ANXA7: variants seen among roughly 807,000 people sequenced by gnomAD.
ANXA7 encodes the protein annexin VII.
Under a neutral mutation model 64.9 loss-of-function variants are expected in ANXA7, and 55 were observed. The ratio of observed to expected loss-of-function variants is 0.85; its 90% CI spans 0.68 to 1.06. The LOEUF (loss-of-function observed/expected upper bound fraction) is 1.06, where lower values mean the gene tolerates loss of function less well. ANXA7 is among the 50% of genes least tolerant of loss of function. The pLI is 0.00. For synonymous variants in ANXA7, 200 were observed against 192.4 expected (o/e 1.04, Z -0.33); for missense variants, 548 against 582.1 (o/e 0.94, Z 0.60).
intron 1 of ANXA7, among the ~76,000 whole-genome samples, chr10:73,411,235 C>T (rs2055832848): frequency 6.6e-6 from 1 of 151,982 alleles, no homozygotes; most frequent in Non-Finnish European, 1.5e-5. Flanking sequence ...TAAGTGGAAG[C>T]TAAGCTATGA....
chr10:73,401,635 G>C (rs970602618), intron 1 of ANXA7, among the ~76,000 whole-genome samples: 2 of 152,158 alleles, frequency 1.3e-5, no homozygotes, highest in African/African-American at 4.8e-5. Context: ...GAGTAGCTGG[G>C]ATTACAGGCG....
At chr10:73,398,064 G>C in intron 3 of ANXA7, 117 bp downstream of exon 3, 2 of 1,029,906 alleles carry the variant, frequency 1.9e-6, no homozygotes, top group Non-Finnish European at 2.8e-6. Context: ...ACTACCTAAG[G>C]TTACCTAAGA....
intron 1 of ANXA7, among the ~76,000 whole-genome samples, chr10:73,411,222 G>T (rs2055832633): frequency 6.6e-6 from 1 of 152,156 alleles, no homozygotes; most frequent in Non-Finnish European, 1.5e-5. Flanking sequence ...TGTTCTCACT[G>T]TGTAAGTGGA....
chr10:73,411,953 T>C (rs990648692), intron 1 of ANXA7, among the ~76,000 whole-genome samples: 8 of 151,796 alleles, frequency 5.3e-5, no homozygotes, highest in Non-Finnish European at 1.0e-4. Context: ...TTATAGAATA[T>C]CCCTGAAAGG....
At position 73,383,579 on chromosome 10, in the gene ANXA7, G is replaced by A; in HGVS notation, c.745C>T (p.Gln249Ter). 1 of 1,600,186 alleles carries A rather than the reference G, an allele frequency of 6.2e-7. No individual in the cohort carries two copies. Among genetic ancestry groups the A allele is most frequent in the South Asian group, 1.1e-5 (1 of 90,742 alleles). ...TAATAAATGACATATAGTAGTACCTGCATTGCTTTCCGTAAGCTCCAGGCA... is the reference window on the plus strand; with the variant it reads ...TAATAAATGACATATAGTAGTACCTACATTGCTTTCCGTAAGCTCCAGGCA... ...YDAWSLRKAM[Q>*]GAGTQERVLI... is the part of the protein sequence containing the mutation. Residue 249 changes from glutamine (Q) to a stop codon, truncating the protein, a stop_gained and splice_region_variant, in exon 8 of 13, where the codon CAG becomes TAG. Transcript: ENST00000372921. LOFTEE classifies it high-confidence loss of function.
chr10:73,381,112 G>C (rs1360433976), intron 9 of ANXA7, among the ~76,000 whole-genome samples: 1 of 152,084 alleles, frequency 6.6e-6, no homozygotes, highest in African/African-American at 2.4e-5. Context: ...TTGCAGACAT[G>C]ATCATAGCCT....
chr10:73,377,773 G>GGGGTGTGTGTGTGTGTGTGTGTGT (rs1554815379), intron 12 of ANXA7, among the ~76,000 whole-genome samples: 6 of 124,848 alleles, frequency 4.8e-5, no homozygotes, highest in African/African-American at 1.9e-4. Context: ...GGTGGGTGTG[G>GGGGTGTGTGTGTGTGTGTGTGTGT]GTGTGTGTGT....
Position 73,380,136 on chromosome 10 carries a change from A to C in ANXA7, c.984T>G (p.Tyr328Ter). Residue 328 changes from tyrosine (Y) to a stop codon, truncating the protein, a stop_gained, in exon 10 of 13, where the codon TAT becomes TAG. Transcript: ENST00000372921. LOFTEE classifies it high-confidence loss of function. The stretch of plus-strand genomic sequence containing the variant: ...TCCCTAGTCTCCCCTCACCAGCTTG[A>C]TAGAGACGCTGAGCATCTTCCTGAG... Reference protein sequence around the residue: ...QMAQEDAQRLYQAGEGRLGTD... With the variant: ...QMAQEDAQRL 6.2e-7 allele frequency: 1 copy of C among 1,614,154 alleles called. No homozygotes were observed. The highest frequency in any genetic ancestry group is 2.2e-5 in the East Asian group (1 of 44,882).
At chr10:73,378,567 G>A (rs535996600) in intron 12 of ANXA7, among the ~76,000 whole-genome samples, 150 of 152,086 alleles carry the variant, frequency 9.9e-4, no homozygotes, top group African/African-American at 3.4e-3. Context: ...ATATCCACTA[G>A]GATTAATCTA....
At chr10:73,377,773 GGTGTGTGT>G (rs368036663) in intron 12 of ANXA7, among the ~76,000 whole-genome samples, 10 of 124,848 alleles carry the variant, frequency 8.0e-5, no homozygotes, top group African/African-American at 2.6e-4. Flanking sequence ...GGTGGGTGTG[GGTGTGTGT>G]GTGTGTGTGT....
In ANXA7 at chr10:73,380,080, G is replaced by T. The variant is rs2055250293; in HGVS notation, c.1040C>A (p.Ala347Asp). 6.2e-7 allele frequency: 1 copy of T among 1,614,142 alleles called. No individual in the cohort carries two copies. The highest frequency in any genetic ancestry group is 8.5e-7 in the Non-Finnish European group (1 of 1,180,036). ...TCTCAGCTGAGGAAAGCTTCTTGTG[G>T]CAAGGATCATGTTAAAGCAAGATTC... ...TDESCFNMIL[A>D]TRSFPQLRAT... is the part of the protein sequence containing the mutation. The change falls in exon 10 of 13, where the codon GCC becomes GAC. Residue 347 changes from alanine (A) to aspartate (D), a missense_variant. Transcript: ENST00000372921.
intron 1 of ANXA7, among the ~76,000 whole-genome samples, chr10:73,406,872 C>T (rs746830316): frequency 2.0e-5 from 3 of 152,022 alleles, no homozygotes; most frequent in Non-Finnish European, 4.4e-5. Flanking sequence ...CACCCACCCT[C>T]TATTTATCTA....
chr10:73,383,783 G>C, intron 7 of ANXA7, 93 bp from the exon 8 acceptor site: 1 of 862,600 alleles, frequency 1.2e-6, no homozygotes, highest in South Asian at 1.6e-5. Flanking sequence ...AAATGGAATT[G>C]CTTTATAAAA....
chr10:73,378,917 T>A lies in ANXA7; in HGVS notation c.1272A>T (p.Arg424=). ...DSTLVRIVVT[R]SEIDLVQIKQ... ...AGAGAGAGGCCTGCCTCACCTCACT[T>A]CGAGTGACCACAATCCGGACCAGGG... Residue 424 remains arginine (R), a synonymous_variant, in exon 12 of 13, where the codon CGA becomes CGT. Coordinates refer to ENST00000372921, the MANE Select transcript of ANXA7 (RefSeq NM_001156.5). 6.2e-7 allele frequency: 1 copy of A among 1,612,368 alleles called. No homozygotes were observed. Among genetic ancestry groups the A allele is most frequent in the African/African-American group, 1.3e-5 (1 of 74,960 alleles).
chr10:73,413,747 CG>C (rs1341459959), intron 1 of ANXA7, among the ~76,000 whole-genome samples: 1 of 152,232 alleles, frequency 6.6e-6, no homozygotes, highest in East Asian at 1.9e-4. Flanking sequence ...TGCCCGAGGG[CG>C]GGGCGCCACT....
chr10:73,397,461 ATATT>A (rs1204956718), intron 3 of ANXA7, among the ~76,000 whole-genome samples, 187 bp from the exon 4 acceptor site: 4 of 152,042 alleles, frequency 2.6e-5, no homozygotes, highest in African/African-American at 9.7e-5. Context: ...TTTACCTTAT[ATATT>A]TATTTATTTT....
At chr10:73,396,288 T>C (rs981387388) in intron 5 of ANXA7, among the ~76,000 whole-genome samples, 5 of 152,136 alleles carry the variant, frequency 3.3e-5, no homozygotes, top group Admixed American at 1.3e-4. Flanking sequence ...CAGGATAAAG[T>C]TGTGAGAATC....
intron 9 of ANXA7, 85 bp from the exon 10 acceptor site, chr10:73,380,286 T>G: frequency 7.4e-7 from 1 of 1,353,546 alleles, no homozygotes; most frequent in Non-Finnish European, 1.0e-6. Context: ...ACTTTTGGAT[T>G]TAAAGAGACT....
intron 5 of ANXA7, among the ~76,000 whole-genome samples, chr10:73,390,105 TAC>T (rs1164169090): frequency 1.2e-4 from 18 of 152,266 alleles, no homozygotes; most frequent in South Asian, 2.1e-4. Context: ...AACACACATA[TAC>T]ACACACACAG....
Sources: allele counts gnomAD v4.1 joint callset (sites outside exome capture counted in the v4.1 genomes callset), GRCh38; gene constraint gnomAD v4.1.1; transcripts MANE v1.5; gene names NCBI Gene and HGNC (gene_info 2026-07-23, HGNC 2026-07-21).